TOGARAM1: variants seen among roughly 807,000 people sequenced by gnomAD.
The protein encoded by TOGARAM1 is TOG array regulator of axonemal microtubules protein 1.
Under a neutral mutation model 166.6 loss-of-function variants are expected in TOGARAM1, and 100 were observed. The observed-to-expected ratio is 0.60, with a 90% CI of 0.51 to 0.71. The LOEUF is 0.71. Among genes scored for constraint, TOGARAM1 ranks in the 30% least tolerant of loss-of-function variants. The pLI is 0.00. For missense variants in TOGARAM1, 2,029 were observed against 2,102.7 expected (o/e 0.96, Z 0.69); for synonymous variants, 758 against 763.8 (o/e 0.99, Z 0.13).
At chr14:45,011,805 G>GTGTGTGTGTGTGTGTA (rs1333700078) in intron 6 of TOGARAM1, 170 bp from the exon 7 acceptor site, 1 of 519,614 alleles carries the variant, frequency 1.9e-6, no homozygotes, top group African/African-American at 2.0e-5. Context: ...GTGTGTGTGT[G>GTGTGTGTGTGTGTGTA]TGTGTGTATA....
At chr14:45,016,143 C>A (rs1420112602) in intron 7 of TOGARAM1, among the ~76,000 whole-genome samples, 1 of 152,022 alleles carries the variant, frequency 6.6e-6, no homozygotes, top group African/African-American at 2.4e-5. Context: ...CACCTGTAAT[C>A]CCAGGACTTT....
chr14:45,003,686 A>C (rs1887792673), intron 3 of TOGARAM1, among the ~76,000 whole-genome samples: 1 of 143,500 alleles, frequency 7.0e-6, no homozygotes, highest in African/African-American at 2.6e-5. Context: ...GCACACCAAA[A>C]CTAAAAACAT....
At chr14:44,989,322 C>T (rs1390768047) in intron 1 of TOGARAM1, among the ~76,000 whole-genome samples, 1 of 152,090 alleles carries the variant, frequency 6.6e-6, no homozygotes, top group Non-Finnish European at 1.5e-5. Context: ...TTTCACCATC[C>T]GTTCTTTAGC....
intron 2 of TOGARAM1, among the ~76,000 whole-genome samples, chr14:44,997,980 A>T (rs1011448055): frequency 1.3e-5 from 2 of 152,222 alleles, no homozygotes; most frequent in Non-Finnish European, 2.9e-5. Flanking sequence ...TATGTTATAG[A>T]TTTAAAAATG....
rs1167399072 is a variant in TOGARAM1 at position 45,038,377 on chromosome 14, T to C, written c.3813-5309T>C. Among the ~76,000 whole-genome samples, 4 of 152,296 alleles carry C rather than the reference T, an allele frequency of 2.6e-5. No homozygotes were observed. In the East Asian group the frequency reaches 7.8e-4, roughly 30 times the overall value. On this transcript the variant is annotated intron_variant, in intron 11 of 19. Transcript: ENST00000361462. ...GCTTGGCTTTTGCTACCAGCCCAGA[T>C]CCCATGCCTACAAAGGGTGAGCCAG...
At position 45,033,961 on chromosome 14, in the gene TOGARAM1, C is replaced by T. The variant is rs550971816; in HGVS notation, c.3812+1585C>T. On this transcript the variant is annotated intron_variant, in intron 11 of 19. Transcript: ENST00000361462. ...TTGAGGTCAGGAGTTCGAGACCAGC[C>T]TGGCCAACATGGTAAAACCTTGTCT... Among the ~76,000 whole-genome samples the T allele has an allele frequency of 2.0e-5, 3 of 152,284 alleles. No homozygotes were observed. In the South Asian group the frequency reaches 6.2e-4, roughly 32 times the overall value.
At chr14:44,972,493 G>A (rs1566598624) in intron 1 of TOGARAM1, among the ~76,000 whole-genome samples, 2 of 152,132 alleles carry the variant, frequency 1.3e-5, no homozygotes, top group East Asian at 3.9e-4. Context: ...CTATAATAGT[G>A]GGCTTGTGTA....
At chr14:44,989,557 A>G (rs970829966) in intron 1 of TOGARAM1, among the ~76,000 whole-genome samples, 4 of 152,098 alleles carry the variant, frequency 2.6e-5, no homozygotes, top group Admixed American at 6.6e-5. Context: ...CATTAAAAAA[A>G]AAAAACTGTA....
chr14:45,055,510 G>T (rs943279705), intron 16 of TOGARAM1, among the ~76,000 whole-genome samples: 1 of 151,960 alleles, frequency 6.6e-6, no homozygotes, highest in African/African-American at 2.4e-5. Flanking sequence ...TTTTGCTTAA[G>T]GTTGCTTTGG....
intron 3 of TOGARAM1, 103 bp from the exon 4 acceptor site, chr14:45,003,958 C>A: frequency 1.2e-6 from 1 of 828,342 alleles, no homozygotes; most frequent in Non-Finnish European, 1.8e-6. Context: ...ATATACATGC[C>A]AATTGGGATG....
In TOGARAM1 at chr14:44,964,086, A is replaced by G. The variant is rs1594597226; in HGVS notation, c.1665A>G (p.Thr555=). 4 of 1,614,206 alleles carry G rather than the reference A, an allele frequency of 2.5e-6. No individual in the cohort carries two copies. Among genetic ancestry groups the G allele is most frequent in the South Asian group, 2.2e-5 (2 of 91,086 alleles). Reference sequence around the variant, plus strand: ...GCATCCTTTTTAAAGCTGTGGATACAGTTGAACTGCAAGATAATGGAGATG... The same window carrying G: ...GCATCCTTTTTAAAGCTGTGGATACGGTTGAACTGCAAGATAATGGAGATG... The part of the protein sequence containing the change: ...KTSILFKAVD[T]VELQDNGDGV... The change falls in exon 1 of 20, where the codon ACA becomes ACG. Residue 555 remains threonine (T), a synonymous_variant. Transcript: ENST00000361462.
At chr14:45,049,902 G>A (rs1159164693) in intron 14 of TOGARAM1, among the ~76,000 whole-genome samples, 3 of 151,688 alleles carry the variant, frequency 2.0e-5, no homozygotes, top group Non-Finnish European at 4.4e-5. Flanking sequence ...TGATGGCATA[G>A]TAATTCTTTC....
chr14:45,040,722 A>C (rs1881682735), intron 11 of TOGARAM1, among the ~76,000 whole-genome samples: 4 of 151,924 alleles, frequency 2.6e-5, no homozygotes, highest in Admixed American at 2.6e-4. Context: ...GACACAAACT[A>C]CCAAAACTCA....
intron 16 of TOGARAM1, among the ~76,000 whole-genome samples, chr14:45,066,267 G>A (rs759370859): frequency 3.9e-5 from 6 of 152,114 alleles, no homozygotes; most frequent in Non-Finnish European, 8.8e-5. Flanking sequence ...CTTAGATCTG[G>A]TTTCCTCTGG....
chr14:45,069,904 C>T (rs1045874606), intron 18 of TOGARAM1, among the ~76,000 whole-genome samples: 2 of 152,108 alleles, frequency 1.3e-5, no homozygotes, highest in African/African-American at 4.8e-5. Context: ...ATTATTCGGC[C>T]AGGCACAGTG....
chr14:45,047,778 G>A (rs1005396320), intron 14 of TOGARAM1, among the ~76,000 whole-genome samples: 3 of 152,056 alleles, frequency 2.0e-5, no homozygotes, highest in African/African-American at 7.2e-5. Context: ...ATATATGGCC[G>A]GGTGTGGTGG....
intron 17 of TOGARAM1, among the ~76,000 whole-genome samples, chr14:45,067,402 T>A (rs1883185808): frequency 6.6e-6 from 1 of 152,142 alleles, no homozygotes; most frequent in Admixed American, 6.5e-5. Context: ...CATATGTGGG[T>A]TAGAAATCTC....
chr14:45,045,738 C>T (rs1199578708), intron 13 of TOGARAM1, among the ~76,000 whole-genome samples: 6 of 132,342 alleles, frequency 4.5e-5, no homozygotes, highest in Non-Finnish European at 9.5e-5. Context: ...CATATATATA[C>T]ACATATGTAT....
intron 7 of TOGARAM1, among the ~76,000 whole-genome samples, chr14:45,017,406 A>AACACACACACACAC (rs113544622): frequency 3.1e-4 from 45 of 145,134 alleles, no homozygotes; most frequent in African/African-American, 1.1e-3. Flanking sequence ...ATGCACACAA[A>AACACACACACACAC]ACACACACAC....
Sources: allele counts gnomAD v4.1 joint callset (sites outside exome capture counted in the v4.1 genomes callset), GRCh38; gene constraint gnomAD v4.1.1; transcripts MANE v1.5; gene names NCBI Gene and HGNC (gene_info 2026-07-23, HGNC 2026-07-21).